The following DCHS1 variants were observed in gnomAD, a reference collection of about 807,000 sequenced individuals.
DCHS1 encodes the protein protocadherin-16.
In DCHS1, 78 loss-of-function variants were observed where a neutral mutation model predicts 213.9. That is an observed-to-expected ratio of 0.36 (90% CI 0.30 to 0.44). The LOEUF is 0.44. Among genes scored for constraint, DCHS1 ranks in the 20% least tolerant of loss-of-function variants. The pLI, the probability that DCHS1 is intolerant of heterozygous loss-of-function variation, is 1.00. For synonymous variants in DCHS1, 1,828 were observed against 1,873.7 expected (o/e 0.98, Z 0.63); for missense variants, 3,946 against 4,395.9 (o/e 0.90, Z 2.89).
Position 6,637,198 on chromosome 11 carries a change from T to A in DCHS1, c.1797+2619A>T, listed in dbSNP as rs1028145658. Among the ~76,000 whole-genome samples, 46 of 152,222 alleles carry A rather than the reference T, an allele frequency of 3.0e-4. 1 individual carries two copies. The highest frequency in any genetic ancestry group is 1.0e-3 in the African/African-American group (43 of 41,456). On this transcript the variant is annotated intron_variant, in intron 2 of 20. Transcript: ENST00000299441. ...CTCATAGAGGTCTGACCCTCTGATC[T>A]GTACTCTCCACCAGGGTTTCTCAAA...
chr11:6,641,997 C>T lies in DCHS1; in HGVS notation c.-120-264G>A, dbSNP rs1856083782. On this transcript the variant is annotated intron_variant, in intron 1 of 20. Transcript: ENST00000299441. This position sits in a 1 kb window ranked among gnomAD's most constrained non-coding sequence, Gnocchi z 7.1. ...TTCGGGTCTGAATGCCCACAAACTCCCTTCTTCCTATTTCTAGGCTTAAAA... is the reference window on the plus strand; with the variant it reads ...TTCGGGTCTGAATGCCCACAAACTCTCTTCTTCCTATTTCTAGGCTTAAAA... Among the ~76,000 whole-genome samples, 1 of 152,170 alleles carries T rather than the reference C, an allele frequency of 6.6e-6. No individual in the cohort carries two copies. The highest frequency in any genetic ancestry group is 2.1e-4 in the South Asian group (1 of 4,836).
Position 6,621,388 on chromosome 11 carries a change from G to A in DCHS1, c.*391C>T. ...GAAATGGCACTTGGTTCTGGGCAGG[G>A]GCAGGGGCAGGGGTGTCAGTGGAAC... is the stretch of plus-strand genomic sequence containing the variant. On this transcript the variant is annotated 3_prime_UTR_variant, in exon 21 of 21. Coordinates refer to ENST00000299441, the MANE Select transcript of DCHS1 (RefSeq NM_003737.4). The A allele has an allele frequency of 2.8e-6, 1 of 357,134 alleles. No homozygotes were observed. Among genetic ancestry groups the A allele is most frequent in the Non-Finnish European group, 5.5e-6 (1 of 183,216 alleles). 22.1% of individuals were successfully genotyped at this position (357,134 alleles called of 1,614,324 possible).
Position 6,628,976 on chromosome 11 carries a change from G to A in DCHS1, c.5162-146C>T. On this transcript the variant is annotated intron_variant, in intron 12 of 20. Coordinates refer to ENST00000299441, the MANE Select transcript of DCHS1 (RefSeq NM_003737.4). The surrounding 1 kb of genome is among the most constrained non-coding windows in gnomAD (Gnocchi z 4.3). ...TACCTCTCAGGCACACATGTGTCAT[G>A]CATACATAAACATACATGTGTCCTA... is the stretch of plus-strand genomic sequence containing the variant. 2 of 836,164 alleles carry A rather than the reference G, an allele frequency of 2.4e-6. No individual in the cohort carries two copies. The highest frequency in any genetic ancestry group is 2.7e-5 in the East Asian group (1 of 37,564). The allele number at this position is 836,164 out of a possible 1,614,324, so 51.8% of individuals were successfully genotyped here. A position where few individuals can be genotyped will look rare whatever the true frequency, so the allele number is the denominator to read the frequency against.
Position 6,627,172 on chromosome 11 carries a change from T to C in DCHS1, c.5867A>G (p.His1956Arg). Residue 1956 changes from histidine to arginine, a missense_variant, in exon 14 of 21, where the codon CAT (histidine) becomes CGT (arginine). Physicochemically the swap from His to Arg is conservative, Grantham distance 29. This residue lies in a region of DCHS1 where 3,384 missense variants were observed against 3,780.1 expected (regional missense o/e 0.90). Coordinates refer to ENST00000299441, the MANE Select transcript of DCHS1 (RefSeq NM_003737.4). The surrounding 1 kb of genome is among the most constrained non-coding windows in gnomAD (Gnocchi z 5.4). ...AGGACTGGTGGGGAAGGTGGGTGCATGGTCATTGACATCGCGCACCGTGAT... is the reference window on the plus strand; with the variant it reads ...AGGACTGGTGGGGAAGGTGGGTGCACGGTCATTGACATCGCGCACCGTGAT... ...VTITVRDVNDHAPTFPTSPLR... is the reference protein window; with the variant it reads ...VTITVRDVNDRAPTFPTSPLR... 1.2e-6 allele frequency: 2 copies of C among 1,612,328 alleles called. No individual in the cohort carries two copies. Among genetic ancestry groups the C allele is most frequent in the Non-Finnish European group, 8.5e-7 (1 of 1,179,124 alleles).
At chr11:6,648,256 A>T (rs1462536252) in intron 1 of DCHS1, among the ~76,000 whole-genome samples, 2 of 152,142 alleles carry the variant, frequency 1.3e-5, no homozygotes, top group East Asian at 3.8e-4. Context: ...GTGAGCAGAG[A>T]GTCTTGGACA....
chr11:6,640,555 T>A lies in DCHS1; in HGVS notation c.1059A>T (p.Arg353=). Residue 353 remains arginine, a synonymous_variant, in exon 2 of 21, where the codon CGA becomes CGT. Transcript: ENST00000299441. The surrounding 1 kb of genome is among the most constrained non-coding windows in gnomAD (Gnocchi z 6.5). Reference sequence around the variant, plus strand: ...TGGAGGGCTGATTGTCATTGGCATCTCGCACATGCACAGTCACAAAGGCCG... The same window carrying A: ...TGGAGGGCTGATTGTCATTGGCATCACGCACATGCACAGTCACAAAGGCCG... ...LGSAFVTVHV[R]DANDNQPSMT... The A allele has an allele frequency of 6.2e-7, 1 of 1,609,472 alleles. No homozygotes were observed. Among genetic ancestry groups the A allele is most frequent in the Non-Finnish European group, 8.5e-7 (1 of 1,179,852 alleles).
At position 6,624,319 on chromosome 11, in the gene DCHS1, C is replaced by T. The variant is rs1279908624; in HGVS notation, c.7357G>A (p.Glu2453Lys). 1 of 1,584,326 alleles carries T rather than the reference C, an allele frequency of 6.3e-7. No individual in the cohort carries two copies. The highest frequency in any genetic ancestry group is 8.6e-7 in the Non-Finnish European group (1 of 1,166,088). The change falls in exon 21 of 21, where the codon GAA (glutamate) becomes AAA (lysine). Residue 2453 changes from glutamate (E) to lysine (K), a missense_variant. Glu to Lys is a moderately conservative substitution (Grantham distance 56, BLOSUM62 1). Coordinates refer to ENST00000299441, the MANE Select transcript of DCHS1 (RefSeq NM_003737.4). ...DGSGAVDVVLEARDHGAPGRA... is the reference protein window; with the variant it reads ...DGSGAVDVVLKARDHGAPGRA... ...CCTGGAGCCCCGTGGTCTCGTGCTTCCAGCACCACATCCACTGCTCCTGAC... is the reference window on the plus strand; with the variant it reads ...CCTGGAGCCCCGTGGTCTCGTGCTTTCAGCACCACATCCACTGCTCCTGAC...
At chr11:6,633,764 G>A (rs774953132) in intron 4 of DCHS1, 25 bp downstream of exon 4, 5 of 1,605,778 alleles carry the variant, frequency 3.1e-6, no homozygotes, top group Non-Finnish European at 3.4e-6. Context: ...CTGGGGGAAG[G>A]CCCCGGGAAT....
chr11:6,646,274 T>C (rs889377805), intron 1 of DCHS1, among the ~76,000 whole-genome samples: 2 of 152,148 alleles, frequency 1.3e-5, no homozygotes, highest in Non-Finnish European at 2.9e-5. Flanking sequence ...GCACTCGTGG[T>C]CAGCTCTGCG....
chr11:6,634,480 G>T (rs1355118606), intron 2 of DCHS1, among the ~76,000 whole-genome samples, 174 bp from the exon 3 acceptor site: 3 of 152,094 alleles, frequency 2.0e-5, no homozygotes, highest in Non-Finnish European at 4.4e-5. Flanking sequence ...ATTTAGTTAG[G>T]TTCCTAAGTG....
Position 6,622,259 on chromosome 11 carries a change from G to C in DCHS1, c.9417C>G (p.Gly3139=), listed in dbSNP as rs768138201. ...TCAGCGCACCTGCCACACATGGCTT[G>C]CCATCTGCTGGGAAGCCATAGTCCC... ...PTGDYGFPAD[G]KPCVAGALTA... Residue 3139 remains glycine (G), a synonymous_variant, in exon 21 of 21, where the codon GGC becomes GGG. Coordinates refer to ENST00000299441, the MANE Select transcript of DCHS1 (RefSeq NM_003737.4). This position sits in a 1 kb window ranked among gnomAD's most constrained non-coding sequence, Gnocchi z 5.4. 6.2e-7 allele frequency: 1 copy of C among 1,603,846 alleles called. No homozygotes were observed.
At position 6,640,430 on chromosome 11, in the gene DCHS1, TC is replaced by T; in HGVS notation, c.1183del (p.Asp395MetfsTer20). The T allele has an allele frequency of 6.2e-7, 1 of 1,613,924 alleles. No individual in the cohort carries two copies. Among genetic ancestry groups the T allele is most frequent in the South Asian group, 1.1e-5 (1 of 91,078 alleles). On this transcript the variant is annotated frameshift_variant, in exon 2 of 21. Coordinates refer to ENST00000299441, the MANE Select transcript of DCHS1 (RefSeq NM_003737.4). LOFTEE classifies it high-confidence loss of function. This position sits in a 1 kb window ranked among gnomAD's most constrained non-coding sequence, Gnocchi z 6.5. ...CACATTGACATGGGCAAAGTCACCA[TC>T]ATCTGGGTCTGACACAGAGATGCGA... ...VARISVSDPDDGDFAHVNVSL... is the reference protein window; with the variant it reads ...VARISVSDPDXGDFAHVNVSL...
At position 6,623,432 on chromosome 11, in the gene DCHS1, A is replaced by G; in HGVS notation, c.8244T>C (p.Ala2748=). 6 of 1,585,904 alleles carry G rather than the reference A, an allele frequency of 3.8e-6. No homozygotes were observed. The highest frequency in any genetic ancestry group is 5.1e-6 in the Non-Finnish European group (6 of 1,166,142). ...CCTCACGGCCCTCAGGTCCTGGCCC[A>G]GCCTCCAACAGGCTGTAACGGAGCC... is the stretch of plus-strand genomic sequence containing the variant. ...FGRLRYSLLE[A]GPGPEGREAF... The change falls in exon 21 of 21, where the codon GCT becomes GCC. Residue 2748 remains alanine, a synonymous_variant. Coordinates refer to ENST00000299441, the MANE Select transcript of DCHS1 (RefSeq NM_003737.4).
chr11:6,640,864 G>A lies in DCHS1; in HGVS notation c.750C>T (p.Asp250=). The change falls in exon 2 of 21, where the codon GAC becomes GAT. Residue 250 remains aspartate, a synonymous_variant. Transcript: ENST00000299441. The surrounding 1 kb of genome is among the most constrained non-coding windows in gnomAD (Gnocchi z 6.5). ...LLDVTLLDIN[D]HAPAFNQSRY... ...GGCTCTGATTGAAAGCCGGGGCATG[G>A]TCATTGATGTCCAGCAGTGTCACGT... The A allele has an allele frequency of 6.2e-7, 1 of 1,614,054 alleles. No individual in the cohort carries two copies. The highest frequency in any genetic ancestry group is 1.3e-5 in the African/African-American group (1 of 75,066).
chr11:6,650,416 G>T (rs149672279), intron 1 of DCHS1, among the ~76,000 whole-genome samples: 3 of 152,184 alleles, frequency 2.0e-5, no homozygotes, highest in African/African-American at 7.2e-5. Context: ...CTGAAGGAAG[G>T]GGGGTCAGCA....
rs973505577 is a variant in DCHS1, at chr11:6,655,782, C to T, written c.-340G>A. 3.8e-5 allele frequency: 37 copies of T among 978,232 alleles called. No individual in the cohort carries two copies. Among genetic ancestry groups the T allele is most frequent in the Non-Finnish European group, 4.2e-5 (35 of 826,746 alleles). 60.6% of individuals were successfully genotyped at this position (978,232 alleles called of 1,614,324 possible). On this transcript the variant is annotated 5_prime_UTR_variant, in exon 1 of 21. Coordinates refer to ENST00000299441, the MANE Select transcript of DCHS1 (RefSeq NM_003737.4). ...CGCCCGGGCGCCGCCTCCTGCACAG[C>T]CGCCCCGCCGAGGATGCGAGCTCCG...
chr11:6,621,719 GT>G lies in DCHS1; in HGVS notation c.*59del. 6.5e-7 allele frequency: 1 copy of G among 1,529,168 alleles called. No individual in the cohort carries two copies. Among genetic ancestry groups the G allele is most frequent in the Non-Finnish European group, 8.8e-7 (1 of 1,136,828 alleles). 94.7% of individuals were successfully genotyped at this position (1,529,168 alleles called of 1,614,324 possible). A position where few individuals can be genotyped will look rare whatever the true frequency, so the allele number is the denominator to read the frequency against. On this transcript the variant is annotated 3_prime_UTR_variant, in exon 21 of 21. Transcript: ENST00000299441. ...CGAGGCTGCCCAGGGCAGGCTCAGAGTGGGGCCTGCGTTGGGGACACTGTGC... is the reference window on the plus strand; with the variant it reads ...CGAGGCTGCCCAGGGCAGGCTCAGAGGGGGCCTGCGTTGGGGACACTGTGC...
intron 1 of DCHS1, among the ~76,000 whole-genome samples, chr11:6,644,432 C>G (rs1382209213): frequency 6.6e-6 from 1 of 152,194 alleles, no homozygotes; most frequent in Non-Finnish European, 1.5e-5. Context: ...CTTGTATTTG[C>G]TACTGTTTTG....
Position 6,625,155 on chromosome 11 carries a change from A to G in DCHS1, c.7146+43T>C, listed in dbSNP as rs1162628591. The G allele has an allele frequency of 2.0e-6, 3 of 1,533,740 alleles. No individual in the cohort carries two copies. The highest frequency in any genetic ancestry group is 2.6e-6 in the Non-Finnish European group (3 of 1,141,686). On this transcript the variant is annotated intron_variant, in intron 19 of 20. Transcript: ENST00000299441. The surrounding 1 kb of genome is among the most constrained non-coding windows in gnomAD (Gnocchi z 5.3). ...GCTCTGATACTTCCCTCCAACAGGAACAACCCAGGCCCAGGTGTAGGTGGA... is the reference window on the plus strand; with the variant it reads ...GCTCTGATACTTCCCTCCAACAGGAGCAACCCAGGCCCAGGTGTAGGTGGA...
Sources: gnomAD v4.1 joint callset for allele counts (sites outside exome capture counted in the v4.1 genomes callset) on GRCh38, gnomAD v4.1.1 for gene constraint, gnomAD v4.1.1 regional missense constraint, Gnocchi (gnomAD v3.1) non-coding constraint, MANE v1.5 for transcripts, NCBI Gene and HGNC (gene_info 2026-07-23, HGNC 2026-07-21) for gene names.